LARGE1: variants seen among roughly 807,000 people sequenced by gnomAD.
LARGE1 encodes LARGE xylosyl- and glucuronyltransferase 1, also known as xylosyl- and glucuronyltransferase LARGE1.
Under a neutral mutation model 87.6 loss-of-function variants are expected in LARGE1, and 43 were observed. That is an observed-to-expected ratio of 0.49 (90% CI 0.38 to 0.63). LARGE1 has a LOEUF of 0.63. Among genes scored for constraint, LARGE1 ranks in the 30% least tolerant of loss-of-function variants. LARGE1 has a pLI of 0.00. For missense variants in LARGE1, 802 were observed against 1,000.2 expected (o/e 0.80, Z 2.67); for synonymous variants, 434 against 394.6 (o/e 1.10, Z -1.18).
chr22:33,617,776 G>A (rs1289131042), intron 4 of LARGE1, among the ~76,000 whole-genome samples: 1 of 152,202 alleles, frequency 6.6e-6, no homozygotes, highest in Non-Finnish European at 1.5e-5. Context: ...AAGCAAGTAT[G>A]TGCTTCCTCT....
the LARGE1 span, among the ~76,000 whole-genome samples, chr22:33,076,041 G>A: frequency 6.6e-6 from 1 of 152,144 alleles, no homozygotes; most frequent in Admixed American, 6.5e-5. Flanking sequence ...ATTCAACAAG[G>A]TCAAAGAAAT....
chr22:33,829,773 C>T (rs1219686575), intron 1 of LARGE1, among the ~76,000 whole-genome samples: 7 of 152,116 alleles, frequency 4.6e-5, no homozygotes, highest in African/African-American at 1.7e-4. Flanking sequence ...TGGGTGCTAA[C>T]AGCATTGCCA....
chr22:33,150,988 T>A, the LARGE1 span, among the ~76,000 whole-genome samples: 4 of 152,158 alleles, frequency 2.6e-5, no homozygotes, highest in Non-Finnish European at 5.9e-5. Flanking sequence ...CAGAAAAAAA[T>A]CTGCTAGGGG....
rs368877306 is a variant in LARGE1 at position 33,459,300 on chromosome 22, G to T, written c.788-27035C>A. 7.7e-4 allele frequency among the ~76,000 whole-genome samples: 117 copies of T among 152,128 alleles called. 1 individual carries two copies. In the Middle Eastern group the frequency reaches 0.01, roughly 13 times the overall value. On this transcript the variant is annotated intron_variant, in intron 6 of 14. Coordinates refer to ENST00000397394, the MANE Select transcript of LARGE1 (RefSeq NM_133642.5). ...AGTTGTAGAGCTGAGATTCAAACTG[G>T]GTTTTCTTCCCTCCAAATGCACAGG...
intron 6 of LARGE1, among the ~76,000 whole-genome samples, chr22:33,524,703 G>A (rs904222890): frequency 6.7e-6 from 1 of 150,262 alleles, no homozygotes; most frequent in Admixed American, 6.7e-5. Flanking sequence ...AGAAAACCAC[G>A]TCACTCTTCC....
At chr22:33,785,106 CAT>C (rs2085576005) in intron 1 of LARGE1, among the ~76,000 whole-genome samples, 2 of 56,324 alleles carry the variant, frequency 3.6e-5, no homozygotes, top group African/African-American at 9.2e-5. Flanking sequence ...CATGTGTATA[CAT>C]ACATATGTGT....
At chr22:33,604,295 G>A (rs1217324235) in intron 5 of LARGE1, 140 bp downstream of exon 5, 5 of 1,098,000 alleles carry the variant, frequency 4.6e-6, no homozygotes, top group African/African-American at 1.5e-5. Flanking sequence ...ATCAGATTCT[G>A]CTGGCAAACA....
intron 7 of LARGE1, among the ~76,000 whole-genome samples, chr22:33,410,798 C>A (rs79260959): frequency 1.3e-5 from 2 of 152,068 alleles, no homozygotes; most frequent in African/African-American, 4.8e-5. Flanking sequence ...ACTGGCTCTG[C>A]TAACTTGCAA....
chr22:33,672,540 C>T (rs1292128338), intron 2 of LARGE1, among the ~76,000 whole-genome samples: 1 of 152,134 alleles, frequency 6.6e-6, no homozygotes, highest in Non-Finnish European at 1.5e-5. Context: ...GCCATGTGTT[C>T]CTAGGAGAGG....
At chr22:33,165,613 G>C (rs752089473) in exon 12 of LARGE1, 1 of 152,102 alleles carries the variant, frequency 6.6e-6, no homozygotes, top group Non-Finnish European at 1.5e-5. Flanking sequence ...CATTATTAGC[G>C]AGGACACTGG....
chr22:33,796,842 G>A (rs932474534), intron 1 of LARGE1, among the ~76,000 whole-genome samples: 1 of 144,294 alleles, frequency 6.9e-6, no homozygotes, highest in Non-Finnish European at 1.5e-5. Flanking sequence ...TCAGCTCACT[G>A]CAGCCTCCGC....
intron 11 of LARGE1, among the ~76,000 whole-genome samples, chr22:33,174,853 G>C (rs1402548116): frequency 2.6e-5 from 4 of 152,072 alleles, no homozygotes; most frequent in Non-Finnish European, 5.9e-5. Flanking sequence ...GTAATGAATA[G>C]CCTACCAACC....
intron 5 of LARGE1, among the ~76,000 whole-genome samples, chr22:33,603,284 C>T (rs993189440): frequency 4.6e-5 from 7 of 152,280 alleles, no homozygotes; most frequent in African/African-American, 1.7e-4. Flanking sequence ...CCAGAGTCAG[C>T]CTCATGCTTA....
chr22:33,571,675 AGACCTTTATATGGGCT>A (rs1156709689), intron 5 of LARGE1, among the ~76,000 whole-genome samples: 19 of 152,296 alleles, frequency 1.2e-4, no homozygotes, highest in Admixed American at 8.5e-4. Context: ...CATTGTGGCA[AGACCTTTATATGGGCT>A]GACCTATTGA....
chr22:33,250,410 C>T (rs550632801), intron 11 of LARGE1, among the ~76,000 whole-genome samples: 15 of 152,216 alleles, frequency 9.9e-5, no homozygotes, highest in Middle Eastern at 3.4e-3. Context: ...TAGTTCCATG[C>T]GTTTTTTGTC....
intron 11 of LARGE1, among the ~76,000 whole-genome samples, chr22:33,314,553 A>G (rs1490378524): frequency 6.6e-6 from 1 of 152,152 alleles, no homozygotes; most frequent in African/African-American, 2.4e-5. Flanking sequence ...CCTGGTATTT[A>G]TGGAACACTT....
chr22:33,533,295 C>T (rs982205509), intron 6 of LARGE1, among the ~76,000 whole-genome samples: 6 of 152,134 alleles, frequency 3.9e-5, no homozygotes, highest in East Asian at 1.9e-4. Context: ...TTATTAACGT[C>T]GTCAGCTGCT....
At chr22:33,352,822 T>C (rs1940516329) in intron 9 of LARGE1, among the ~76,000 whole-genome samples, 2 of 152,290 alleles carry the variant, frequency 1.3e-5, no homozygotes, top group Admixed American at 6.5e-5. Context: ...ATGACAGATA[T>C]ATACAAACTC....
At chr22:33,145,355 C>T in the LARGE1 span, among the ~76,000 whole-genome samples, 1 of 152,146 alleles carries the variant, frequency 6.6e-6, no homozygotes, top group Non-Finnish European at 1.5e-5. Flanking sequence ...CTCTGTACAA[C>T]CATCAGAATC....
Sources: gnomAD v4.1 joint callset for allele counts (sites outside exome capture counted in the v4.1 genomes callset) on GRCh38, gnomAD v4.1.1 for gene constraint, MANE v1.5 for transcripts, NCBI Gene and HGNC (gene_info 2026-07-23, HGNC 2026-07-21) for gene names.